FBLN5: variants seen among roughly 807,000 people sequenced by gnomAD.
The protein encoded by FBLN5 is fibulin-5.
In FBLN5, 24 loss-of-function variants were observed where a neutral mutation model predicts 61.6. The observed-to-expected ratio is 0.39, with a 90% CI of 0.28 to 0.55. The LOEUF is 0.55. FBLN5 is among the 20% of genes least tolerant of loss of function. The pLI, the probability that FBLN5 is intolerant of heterozygous loss-of-function variation, is 0.65. For synonymous variants in FBLN5, 213 were observed against 219.8 expected (o/e 0.97, Z 0.27); for missense variants, 470 against 594.1 (o/e 0.79, Z 2.17).
rs538207211 is a variant in FBLN5, at chr14:91,917,299, C to G, written c.379+19648G>C. ...TTCAGTTATGAAAAAACAAATTAGG[C>G]TGGGTGTGGTGGCTCACGCCTGTAA... On this transcript the variant is annotated intron_variant, in intron 4 of 10. Transcript: ENST00000342058. Among the ~76,000 whole-genome samples the G allele has an allele frequency of 3.3e-5, 5 of 152,290 alleles. No homozygotes were observed. The South Asian group carries it at 1.0e-3, about 32-fold the overall frequency.
intron 4 of FBLN5, among the ~76,000 whole-genome samples, chr14:91,905,228 G>A (rs963706690): frequency 1.3e-5 from 2 of 152,254 alleles, no homozygotes; most frequent in Non-Finnish European, 2.9e-5. Flanking sequence ...ACTCACCAGG[G>A]TGATCTGGTA....
chr14:91,871,007 G>A (rs1888898761), intron 10 of FBLN5, among the ~76,000 whole-genome samples: 1 of 152,014 alleles, frequency 6.6e-6, no homozygotes, highest in African/African-American at 2.4e-5. Context: ...CCTGCTTCAG[G>A]GTGGGAGGCA....
chr14:91,933,475 C>A (rs980364914), intron 4 of FBLN5, among the ~76,000 whole-genome samples: 1 of 152,022 alleles, frequency 6.6e-6, no homozygotes, highest in African/African-American at 2.4e-5. Context: ...ATCATGTTGG[C>A]CAGGCTGGTC....
rs923638661 is a variant in FBLN5 at position 91,882,692 on chromosome 14, C to T, written c.862+262G>A. On this transcript the variant is annotated intron_variant, in intron 8 of 10. Coordinates refer to ENST00000342058, the MANE Select transcript of FBLN5 (RefSeq NM_006329.4). The surrounding 1 kb of genome is among the most constrained non-coding windows in gnomAD (Gnocchi z 4.9). ...GCAGAAAGCCACGCTTAGAGGCTGC[C>T]GTCTGCATCTGCAGAGTTCATTACA... 2.0e-5 allele frequency among the ~76,000 whole-genome samples: 3 copies of T among 152,194 alleles called. No homozygotes were observed. Among genetic ancestry groups the T allele is most frequent in the South Asian group, 4.1e-4 (2 of 4,832 alleles).
chr14:91,875,616 T>C (rs887932950), intron 10 of FBLN5, among the ~76,000 whole-genome samples: 5 of 152,182 alleles, frequency 3.3e-5, no homozygotes, highest in Admixed American at 3.3e-4. Context: ...CTGGTTACAA[T>C]GGCTACAATC....
At chr14:91,901,837 G>A (rs1890464558) in intron 4 of FBLN5, among the ~76,000 whole-genome samples, 1 of 152,128 alleles carries the variant, frequency 6.6e-6, no homozygotes, top group Admixed American at 6.5e-5. Context: ...CTCTGATTAG[G>A]CAACAAATAT....
At chr14:91,913,140 C>G (rs1361641987) in intron 4 of FBLN5, among the ~76,000 whole-genome samples, 2 of 152,138 alleles carry the variant, frequency 1.3e-5, no homozygotes, top group African/African-American at 4.8e-5. Context: ...GGTGTTACTA[C>G]CCTGTCATTA....
At chr14:91,894,234 A>G (rs1436517348) in intron 5 of FBLN5, among the ~76,000 whole-genome samples, 1 of 149,184 alleles carries the variant, frequency 6.7e-6, no homozygotes, top group Non-Finnish European at 1.5e-5. Flanking sequence ...CCCTGTTTCT[A>G]CAAAAAATAC....
At chr14:91,923,570 T>C (rs2055777107) in intron 4 of FBLN5, among the ~76,000 whole-genome samples, 1 of 152,236 alleles carries the variant, frequency 6.6e-6, no homozygotes, top group Non-Finnish European at 1.5e-5. Context: ...GTCTCTGACA[T>C]GGAAATCCTA....
intron 4 of FBLN5, among the ~76,000 whole-genome samples, chr14:91,930,201 C>T (rs1156372227): frequency 2.0e-5 from 3 of 152,144 alleles, no homozygotes; most frequent in Non-Finnish European, 2.9e-5. Flanking sequence ...AAGCCAGCCT[C>T]GATGTTAGAC....
intron 9 of FBLN5, among the ~76,000 whole-genome samples, chr14:91,881,089 T>C (rs1000270576): frequency 1.3e-5 from 2 of 151,260 alleles, no homozygotes; most frequent in African/African-American, 2.4e-5. Flanking sequence ...TCTATTCCAG[T>C]CTGTTCTATC....
At chr14:91,900,812 G>A (rs1388754737) in intron 4 of FBLN5, among the ~76,000 whole-genome samples, 1 of 152,214 alleles carries the variant, frequency 6.6e-6, no homozygotes, top group Non-Finnish European at 1.5e-5. Context: ...CCTTCCCCGG[G>A]GAGGTGCTGT....
chr14:91,943,918 C>T lies in FBLN5; in HGVS notation c.18-957G>A, dbSNP rs570383502. ...CGGGAAAACAGGAGGAGGAGTCACG[C>T]ACCCTGGGCTCAGTTCTGCCATGCA... On this transcript the variant is annotated intron_variant, in intron 1 of 10. Transcript: ENST00000342058. This position sits in a 1 kb window ranked among gnomAD's most constrained non-coding sequence, Gnocchi z 4.0. Among the ~76,000 whole-genome samples the T allele has an allele frequency of 2.0e-5, 3 of 152,306 alleles. No homozygotes were observed. Among genetic ancestry groups the T allele is most frequent in the Non-Finnish European group, 2.9e-5 (2 of 68,026 alleles).
chr14:91,929,080 A>AACACAC (rs113397883), intron 4 of FBLN5, among the ~76,000 whole-genome samples: 13 of 143,182 alleles, frequency 9.1e-5, no homozygotes, highest in South Asian at 2.2e-4. Context: ...CCTGTCTCAA[A>AACACAC]ACACACACAC....
At chr14:91,922,672 C>T (rs964838729) in intron 4 of FBLN5, among the ~76,000 whole-genome samples, 30 of 152,300 alleles carry the variant, frequency 2.0e-4, no homozygotes, top group African/African-American at 6.5e-4. Context: ...TTTCCAGAGA[C>T]GTCTGATGGT....
At chr14:91,911,846 G>A (rs955594954) in intron 4 of FBLN5, among the ~76,000 whole-genome samples, 2 of 150,998 alleles carry the variant, frequency 1.3e-5, no homozygotes, top group African/African-American at 4.9e-5. Flanking sequence ...GCTGTGCCTC[G>A]GCACACAAAA....
intron 4 of FBLN5, among the ~76,000 whole-genome samples, chr14:91,904,546 C>T (rs911012529): frequency 1.3e-5 from 2 of 152,218 alleles, no homozygotes; most frequent in African/African-American, 2.4e-5. Context: ...CTGACAAGAA[C>T]GCTATAGACT....
chr14:91,879,860 T>G (rs1889338051), intron 9 of FBLN5, among the ~76,000 whole-genome samples: 1 of 152,202 alleles, frequency 6.6e-6, no homozygotes, highest in Non-Finnish European at 1.5e-5. Context: ...GTGTGTCTGA[T>G]TCATCCTTTC....
In FBLN5 at chr14:91,886,791, G is replaced by A. The variant is rs149956869; in HGVS notation, c.739+402C>T. On this transcript the variant is annotated intron_variant, in intron 7 of 10. Coordinates refer to ENST00000342058, the MANE Select transcript of FBLN5 (RefSeq NM_006329.4). ...TTCAATGTTCCCCCCAACCCTACCC[G>A]ATAAGACATGCTATTATTCCTGGGT... Among the ~76,000 whole-genome samples, 676 of 152,170 alleles carry A rather than the reference G, an allele frequency of 4.4e-3. 4 individuals carry two copies. Among genetic ancestry groups the A allele is most frequent in the African/African-American group, 0.015 (642 of 41,500 alleles).
Sources: gnomAD v4.1 joint callset for allele counts (sites outside exome capture counted in the v4.1 genomes callset) on GRCh38, gnomAD v4.1.1 for gene constraint, Gnocchi (gnomAD v3.1) non-coding constraint, MANE v1.5 for transcripts, NCBI Gene and HGNC (gene_info 2026-07-23, HGNC 2026-07-21) for gene names.